The following ANXA8 variants were observed in gnomAD, a reference collection of about 807,000 sequenced individuals.
ANXA8 encodes annexin A8, also known as VAC-beta.
In ANXA8, 9 loss-of-function variants were observed where a neutral mutation model predicts 26.8. The ratio of observed to expected loss-of-function variants is 0.34; its 90% CI spans 0.20 to 0.59. The LOEUF is 0.59. Among genes scored for constraint, ANXA8 ranks in the 20% least tolerant of loss-of-function variants. The probability of loss-of-function intolerance (pLI) is 0.84; values close to 1 mark genes in which losing one functional copy is unlikely to be tolerated. For synonymous variants in ANXA8, 39 were observed against 94.8 expected (o/e 0.41, Z 3.42); for missense variants, 83 against 238.5 (o/e 0.35, Z 4.29).
At chr10:47,973,976 G>A in the ANXA8 span, among the ~76,000 whole-genome samples, 1 of 150,874 alleles carries the variant, frequency 6.6e-6, no homozygotes, top group Non-Finnish European at 1.5e-5. Flanking sequence ...CAGGGTATCA[G>A]TCTCTTCCTG....
At chr10:47,502,465 G>A in the ANXA8 span, 2 of 1,612,874 alleles carry the variant, frequency 1.2e-6, no homozygotes, top group East Asian at 4.5e-5. Flanking sequence ...GGACTTTATT[G>A]AGGGTTTTGT....
At chr10:47,539,709 TA>T in the ANXA8 span, among the ~76,000 whole-genome samples, 1 of 93,662 alleles carries the variant, frequency 1.1e-5, no homozygotes, top group Non-Finnish European at 2.0e-5. Context: ...ACAATTAGCT[TA>T]AAAATTACAA....
the ANXA8 span, among the ~76,000 whole-genome samples, chr10:47,652,351 C>T: frequency 1.3e-5 from 2 of 151,714 alleles, no homozygotes; most frequent in South Asian, 2.1e-4. Flanking sequence ...TAATCCCAGG[C>T]TTTGGGAGGC....
the ANXA8 span, among the ~76,000 whole-genome samples, chr10:47,632,152 A>G: frequency 1.3e-5 from 2 of 152,142 alleles, no homozygotes; most frequent in Non-Finnish European, 2.9e-5. Flanking sequence ...CTTTAAAATT[A>G]TGTTGAGTGG....
At chr10:47,590,025 C>G in the ANXA8 span, 1 of 146,186 alleles carries the variant, frequency 6.8e-6, no homozygotes, top group South Asian at 2.1e-4. Flanking sequence ...CTTTCAGGAA[C>G]CCCATTCCCC....
chr10:47,549,841 T>C, the ANXA8 span, among the ~76,000 whole-genome samples: 2 of 143,598 alleles, frequency 1.4e-5, no homozygotes, highest in African/African-American at 5.5e-5. Flanking sequence ...CAGTGGCTCA[T>C]GCCTGTAGTC....
the ANXA8 span, among the ~76,000 whole-genome samples, chr10:47,659,692 A>AAG: frequency 2.6e-3 from 393 of 150,544 alleles, 17 homozygotes; most frequent in African/African-American, 9.7e-3. Flanking sequence ...AAAAAAAAAA[A>AAG]GAGTGTTTTA....
chr10:47,599,151 G>C, the ANXA8 span, among the ~76,000 whole-genome samples: 1 of 145,334 alleles, frequency 6.9e-6, no homozygotes, highest in Non-Finnish European at 1.5e-5. Flanking sequence ...TTTCCACCCA[G>C]AAGGAGGATC....
chr10:47,889,016 GTA>G, the ANXA8 span, among the ~76,000 whole-genome samples: 1 of 107,886 alleles, frequency 9.3e-6, no homozygotes, highest in Admixed American at 9.8e-5. Flanking sequence ...GTGTGTGTGT[GTA>G]TTTATTTATT....
chr10:47,733,189 C>CTTTCT, the ANXA8 span, among the ~76,000 whole-genome samples: 2 of 115,824 alleles, frequency 1.7e-5, no homozygotes, highest in East Asian at 4.7e-4. Context: ...TTCTTTCTTT[C>CTTTCT]TTTCTTTCTT....
At chr10:47,940,827 C>CAA in the ANXA8 span, among the ~76,000 whole-genome samples, 49 of 95,622 alleles carry the variant, frequency 5.1e-4, no homozygotes, top group African/African-American at 1.9e-3. Flanking sequence ...GATTCCATCT[C>CAA]AAAAAAAAAA....
At chr10:47,506,787 G>A in the ANXA8 span, among the ~76,000 whole-genome samples, 9 of 143,804 alleles carry the variant, frequency 6.3e-5, no homozygotes, top group East Asian at 2.7e-4. Flanking sequence ...CTACAGGTGC[G>A]TGCCACCATG....
the ANXA8 span, among the ~76,000 whole-genome samples, chr10:47,577,221 T>C: frequency 1.8e-5 from 1 of 56,656 alleles, no homozygotes; most frequent in African/African-American, 5.9e-5. Context: ...CAAGACTCCA[T>C]CTCAAAAAAA....
chr10:47,895,236 G>A, the ANXA8 span, among the ~76,000 whole-genome samples: 1 of 152,124 alleles, frequency 6.6e-6, no homozygotes, highest in African/African-American at 2.4e-5. Flanking sequence ...AATGTGACTG[G>A]GGAGCACCGG....
At chr10:47,982,827 T>TATATATATATATATATAA in the ANXA8 span, among the ~76,000 whole-genome samples, 1 of 70,784 alleles carries the variant, frequency 1.4e-5, no homozygotes, top group Non-Finnish European at 2.9e-5. Context: ...TATATATATA[T>TATATATATATATATATAA]ATATATAAAA....
Position 47,474,878 on chromosome 10 carries a change from T to C in ANXA8, c.552+67A>G, listed in dbSNP as rs1482832517. 1.3e-5 allele frequency: 20 copies of C among 1,516,872 alleles called. No homozygotes were observed. The Middle Eastern group carries it at 6.4e-4, about 48-fold the overall frequency. 94.0% of individuals were successfully genotyped at this position (1,516,872 alleles called of 1,614,324 possible). A position where few individuals can be genotyped will look rare whatever the true frequency, so the allele number is the denominator to read the frequency against. On this transcript the variant is annotated intron_variant, in intron 7 of 11. Coordinates refer to ENST00000585281, the MANE Select transcript of ANXA8 (RefSeq NM_001040084.3). ...AGCCCAGTGTCAGAGAAAGCCCCCGTGGGCAGAGGAGCCGGAGTCCAGATG... is the reference window on the plus strand; with the variant it reads ...AGCCCAGTGTCAGAGAAAGCCCCCGCGGGCAGAGGAGCCGGAGTCCAGATG...
At chr10:47,950,487 C>G in the ANXA8 span, among the ~76,000 whole-genome samples, 1 of 151,164 alleles carries the variant, frequency 6.6e-6, no homozygotes, top group African/African-American at 2.4e-5. Flanking sequence ...TAATCAACAG[C>G]GCAATAAATC....
At chr10:47,551,225 G>A in the ANXA8 span, among the ~76,000 whole-genome samples, 3 of 151,836 alleles carry the variant, frequency 2.0e-5, no homozygotes, top group Admixed American at 6.6e-5. Flanking sequence ...TTGGCTCTCC[G>A]ACTTACTGGT....
chr10:47,587,209 A>AT, the ANXA8 span, among the ~76,000 whole-genome samples: 4 of 147,308 alleles, frequency 2.7e-5, no homozygotes, highest in African/African-American at 5.3e-5. Flanking sequence ...GTCTCAAAAA[A>AT]AAAAAAAATA....
Sources: allele counts gnomAD v4.1 joint callset (sites outside exome capture counted in the v4.1 genomes callset), GRCh38; gene constraint gnomAD v4.1.1; transcripts MANE v1.5; gene names NCBI Gene and HGNC (gene_info 2026-07-23, HGNC 2026-07-21).